MACF1: variants seen among roughly 807,000 people sequenced by gnomAD.
The protein encoded by MACF1 is microtubule actin crosslinking factor 1, also known as microtubule-actin cross-linking factor 1.
MACF1 carries 193 observed loss-of-function variants against 854.8 expected under a neutral mutation model. The ratio of observed to expected loss-of-function variants is 0.23; its 90% confidence interval spans 0.20 to 0.25. MACF1 has a LOEUF of 0.25. Among genes scored for constraint, MACF1 ranks in the 10% least tolerant of loss-of-function variants. MACF1 has a pLI of 1.00. For synonymous variants in MACF1, 3,185 were observed against 3,226.7 expected (o/e 0.99, Z 0.44); for missense variants, 7,722 against 8,929.1 (o/e 0.86, Z 5.45).
intron 97 of MACF1, among the ~76,000 whole-genome samples, chr1:39,471,348 T>C (rs907902252): frequency 2.0e-5 from 3 of 152,196 alleles, no homozygotes; most frequent in African/African-American, 7.2e-5. Flanking sequence ...CTGGAAACAG[T>C]GCTTATGGTA....
intron 2 of MACF1, among the ~76,000 whole-genome samples, chr1:39,193,925 C>T: frequency 6.6e-6 from 1 of 152,070 alleles, no homozygotes; most frequent in East Asian, 1.9e-4. Flanking sequence ...CTCACTGCAA[C>T]CTCCACTTCC....
chr1:39,267,710 T>G (rs1265312820), intron 6 of MACF1, among the ~76,000 whole-genome samples: 2 of 152,242 alleles, frequency 1.3e-5, no homozygotes, highest in Admixed American at 6.5e-5. Flanking sequence ...CTATTGAACA[T>G]TTTTGTCAAA....
At chr1:39,134,519 C>T (rs1166314879) in intron 2 of MACF1, among the ~76,000 whole-genome samples, 3 of 152,114 alleles carry the variant, frequency 2.0e-5, no homozygotes, top group Non-Finnish European at 4.4e-5. Context: ...TAGAAAGCAG[C>T]ATCTTACAGT....
intron 2 of MACF1, among the ~76,000 whole-genome samples, chr1:39,190,883 C>T (rs960879348): frequency 5.3e-5 from 8 of 152,060 alleles, no homozygotes; most frequent in Admixed American, 2.6e-4. Context: ...ATCCCAGCTA[C>T]TTGGGAGGCT....
chr1:39,196,768 T>A (rs1204131901), intron 2 of MACF1, among the ~76,000 whole-genome samples: 1 of 152,224 alleles, frequency 6.6e-6, no homozygotes, highest in African/African-American at 2.4e-5. Flanking sequence ...TCAATGACAT[T>A]TGAATAAAAT....
chr1:39,447,533 T>G lies in MACF1; in HGVS notation c.19707T>G (p.Ala6569=), dbSNP rs1432880222. Residue 6569 remains alanine (A), a synonymous_variant, in exon 81 of 101, where the codon GCT becomes GCG. Coordinates refer to ENST00000564288, the MANE Select transcript of MACF1 (RefSeq NM_001394062.1). ...TAGCAGAGCAGAGTTTAAACATCGC[T>G]TCTCCACCAAGCCTGATTCTAAATA... ...LTLAEQSLNI[A]SPPSLILNTV... The G allele has an allele frequency of 2.5e-6, 4 of 1,614,194 alleles. No individual in the cohort carries two copies. The highest frequency in any genetic ancestry group is 1.1e-5 in the South Asian group (1 of 91,088).
chr1:39,393,192 A>ATATATAT (rs1434134146), intron 58 of MACF1, among the ~76,000 whole-genome samples: 122 of 84,570 alleles, frequency 1.4e-3, no homozygotes, highest in African/African-American at 5.0e-3. Flanking sequence ...AAAAAAAAAA[A>ATATATAT]AAAAATATAT....
rs761229899 is a variant in MACF1, at chr1:39,430,856, C to G, written c.17285C>G (p.Thr5762Ser). ...GAGCAGTACAAACTAGTCAGTGACA[C>G]TATTGGACAAAGGGTGGATGAAATT... Reference protein sequence around the residue: ...ANEQYKLVSDTIGQRVDEIDA... With the variant: ...ANEQYKLVSDSIGQRVDEIDA... The change falls in exon 66 of 101, where the codon ACT (threonine) becomes AGT (serine). Residue 5762 changes from threonine to serine, a missense_variant. Physicochemically the swap from Thr to Ser is moderately conservative, Grantham distance 58 (BLOSUM62 1). This residue lies in a region of MACF1 where 2,807 missense variants were observed against 3,235.8 expected (regional missense o/e 0.87). Transcript: ENST00000564288. 6 of 1,612,638 alleles carry G rather than the reference C, an allele frequency of 3.7e-6. No individual in the cohort carries two copies. The highest frequency in any genetic ancestry group is 2.2e-5 in the East Asian group (1 of 44,892).
chr1:39,229,356 CA>C (rs1014278132), intron 1 of MACF1, among the ~76,000 whole-genome samples: 1 of 151,414 alleles, frequency 6.6e-6, no homozygotes, highest in South Asian at 2.1e-4. Flanking sequence ...GCTATAAACT[CA>C]AAAAAAATAA....
rs370321754 is a variant in MACF1, at chr1:39,450,429, T to TA, written c.20259-622dup. ...ACTACCAAAACTATCATCTTTTACT[T>TA]AGAGTGGTATATGAGGTGATTAACA... On this transcript the variant is annotated intron_variant, in intron 84 of 100. Coordinates refer to ENST00000564288, the MANE Select transcript of MACF1 (RefSeq NM_001394062.1). 4.3e-3 allele frequency among the ~76,000 whole-genome samples: 659 copies of TA among 152,086 alleles called. 5 individuals are homozygous for TA. Among genetic ancestry groups the TA allele is most frequent in the African/African-American group, 0.014 (597 of 41,486 alleles).
chr1:39,456,576 C>T (rs1644444157), intron 89 of MACF1: 1 of 152,204 alleles, frequency 6.6e-6, no homozygotes, highest in Admixed American at 6.5e-5. Context: ...TCGAGGAGCA[C>T]CTGTCCTTCC....
chr1:39,216,440 A>C (rs1396088864), intron 1 of MACF1, among the ~76,000 whole-genome samples: 1 of 152,190 alleles, frequency 6.6e-6, no homozygotes, highest in Non-Finnish European at 1.5e-5. Context: ...TTGAGTCTCT[A>C]ACAAGGAGCA....
At chr1:39,343,899 T>C (rs1646988306) in intron 40 of MACF1, among the ~76,000 whole-genome samples, 1 of 152,144 alleles carries the variant, frequency 6.6e-6, no homozygotes, top group Non-Finnish European at 1.5e-5. Context: ...GCGGATCACC[T>C]GAGGTCGGGA....
chr1:39,164,346 A>G (rs1385288945), intron 2 of MACF1, among the ~76,000 whole-genome samples: 1 of 152,196 alleles, frequency 6.6e-6, no homozygotes, highest in Non-Finnish European at 1.5e-5. Context: ...ACAAGAGGCT[A>G]TCTGTAACAC....
chr1:39,203,075 T>G (rs1644411891), upstream of MACF1, among the ~76,000 whole-genome samples: 1 of 151,804 alleles, frequency 6.6e-6, no homozygotes, highest in Non-Finnish European at 1.5e-5. Flanking sequence ...AGATTTCACA[T>G]AGAAAAAAAA....
chr1:39,171,449 T>C (rs1263953734), intron 2 of MACF1, among the ~76,000 whole-genome samples: 1 of 152,164 alleles, frequency 6.6e-6, no homozygotes, highest in East Asian at 1.9e-4. Context: ...CCCCAACCCC[T>C]GGCAACCACT....
intron 37 of MACF1, 42 bp from the exon 38 acceptor site, chr1:39,337,140 G>C (rs2148476940): frequency 6.4e-7 from 1 of 1,570,722 alleles, no homozygotes. Flanking sequence ...TGACTTACAG[G>C]AGAACGTCAG....
chr1:39,189,191 A>G (rs1036468343), intron 2 of MACF1, among the ~76,000 whole-genome samples: 3 of 152,074 alleles, frequency 2.0e-5, no homozygotes, highest in Admixed American at 6.5e-5. Flanking sequence ...GGTGCTTCCA[A>G]TTTCTGAGCC....
Position 39,458,463 on chromosome 1 carries a change from T to G in MACF1, c.21169T>G (p.Phe7057Val). 1 of 1,613,822 alleles carries G rather than the reference T, an allele frequency of 6.2e-7. No individual in the cohort carries two copies. Among genetic ancestry groups the G allele is most frequent in the Non-Finnish European group, 8.5e-7 (1 of 1,179,828 alleles). ...AAACATAGAGCCTACTCACGCGCCTTTCATAGAGAAATCCCGCAGCGGAGG... is the reference window on the plus strand; with the variant it reads ...AAACATAGAGCCTACTCACGCGCCTGTCATAGAGAAATCCCGCAGCGGAGG... ...RKNIEPTHAPFIEKSRSGGRK... is the reference protein window; with the variant it reads ...RKNIEPTHAPVIEKSRSGGRK... Residue 7057 changes from phenylalanine (F) to valine (V), a missense_variant, in exon 90 of 101, where the codon TTC becomes GTC. Phe to Val is a conservative substitution (Grantham distance 50, BLOSUM62 -1). Coordinates refer to ENST00000564288, the MANE Select transcript of MACF1 (RefSeq NM_001394062.1).
Sources: gnomAD v4.1 joint callset for allele counts (sites outside exome capture counted in the v4.1 genomes callset) on GRCh38, gnomAD v4.1.1 for gene constraint, gnomAD v4.1.1 regional missense constraint, MANE v1.5 for transcripts, NCBI Gene and HGNC (gene_info 2026-07-23, HGNC 2026-07-21) for gene names.